IL1RAPL1: variants seen among roughly 807,000 people sequenced by gnomAD.
IL1RAPL1 encodes interleukin-1 receptor accessory protein-like 1.
A neutral mutation model predicts 48.4 loss-of-function variants in IL1RAPL1; 3 were observed. The ratio of observed to expected loss-of-function variants is 0.06; its 90% confidence interval spans 0.03 to 0.16. The LOEUF is 0.16. Ranked by LOEUF, IL1RAPL1 falls within the 10% of genes least tolerant of loss-of-function variation. The probability of loss-of-function intolerance (pLI) is 1.00; values close to 1 mark genes in which losing one functional copy is unlikely to be tolerated. For missense variants in IL1RAPL1, 349 were observed against 530.6 expected (o/e 0.66, Z 3.36); for synonymous variants, 185 against 187.7 (o/e 0.99, Z 0.12).
chrX:28,682,698 T>C (rs1363581106), intron 1 of IL1RAPL1, among the ~76,000 whole-genome samples: 1 of 112,126 alleles, frequency 8.9e-6, no homozygotes, highest in Non-Finnish European at 1.9e-5. Context: ...ATTTTCTTAC[T>C]ATTTACAAAA....
chrX:29,323,736 T>TATATATATAAA (rs1932823038), intron 3 of IL1RAPL1, among the ~76,000 whole-genome samples: 4 of 11,215 alleles, frequency 3.6e-4, no homozygotes, highest in African/African-American at 2.4e-3. Flanking sequence ...TATATATATA[T>TATATATATAAA]ATATATATAT....
In IL1RAPL1 at chrX:29,947,606, T is replaced by G. The variant is rs147008684; in HGVS notation, c.1201+5812T>G. ...TAAGCACATTGGCATCTATGAAATC[T>G]TAGGCCATAGAATTTCTTTTTCTTT... On this transcript the variant is annotated intron_variant, in intron 9 of 10. Coordinates refer to ENST00000378993, the MANE Select transcript of IL1RAPL1 (RefSeq NM_014271.4). Among the ~76,000 whole-genome samples, 224 of 111,654 alleles carry G rather than the reference T, an allele frequency of 2.0e-3. 2 individuals are homozygous for G. Among genetic ancestry groups the G allele is most frequent in the South Asian group, 3.3e-3 (9 of 2,715 alleles).
chrX:28,945,903 A>ATGTGTGTG (rs202162763), intron 2 of IL1RAPL1, among the ~76,000 whole-genome samples: 3 of 97,651 alleles, frequency 3.1e-5, no homozygotes, highest in Non-Finnish European at 6.2e-5. Context: ...ATATATATAT[A>ATGTGTGTG]TGTGTGTGTG....
At chrX:28,750,919 C>T (rs183875858) in intron 1 of IL1RAPL1, among the ~76,000 whole-genome samples, 1 of 111,926 alleles carries the variant, frequency 8.9e-6, no homozygotes, top group African/African-American at 3.2e-5. Context: ...ATTTGTCAGT[C>T]TGTAAGTGTG....
In IL1RAPL1 at chrX:29,865,636, CTT is replaced by C. The variant is rs1171882981; in HGVS notation, c.779-51809_779-51808del. On this transcript the variant is annotated intron_variant, in intron 6 of 10. Transcript: ENST00000378993. ...ATGTGCTGTTTTTTTCTTTTCTTTT[CTT>C]TTTTTTTTTTTTTTTTTTGACAGAG... Among the ~76,000 whole-genome samples, 418 of 76,317 alleles carry C rather than the reference CTT, an allele frequency of 5.5e-3. 1 individual carries two copies. Among genetic ancestry groups the C allele is most frequent in the African/African-American group, 0.021 (389 of 18,363 alleles). 66.3% of individuals were successfully genotyped at this position (76,317 alleles called of 115,157 possible).
intron 1 of IL1RAPL1, among the ~76,000 whole-genome samples, chrX:28,726,686 T>C (rs1211546553): frequency 8.9e-6 from 1 of 112,251 alleles, no homozygotes; most frequent in African/African-American, 3.2e-5. Context: ...TTAATTGACT[T>C]ATATCATCCT....
chrX:28,890,513 T>C (rs1406883106), intron 2 of IL1RAPL1, among the ~76,000 whole-genome samples: 1 of 111,971 alleles, frequency 8.9e-6, no homozygotes, highest in Non-Finnish European at 1.9e-5. Flanking sequence ...GTTTCTATTA[T>C]TATTTGCTTA....
At chrX:29,663,647 A>G (rs965969264) in intron 5 of IL1RAPL1, among the ~76,000 whole-genome samples, 3 of 112,027 alleles carry the variant, frequency 2.7e-5, no homozygotes, top group Non-Finnish European at 5.6e-5. Context: ...GCATATTTAA[A>G]AGTCTTTAGA....
intron 2 of IL1RAPL1, among the ~76,000 whole-genome samples, chrX:29,185,088 T>C (rs1172875918): frequency 8.9e-6 from 1 of 112,239 alleles, no homozygotes; most frequent in Non-Finnish European, 1.9e-5. Flanking sequence ...TCTTTATCAC[T>C]TTCAGTAACA....
intron 2 of IL1RAPL1, among the ~76,000 whole-genome samples, chrX:28,817,872 T>C (rs1310273930): frequency 1.8e-5 from 2 of 110,899 alleles, no homozygotes; most frequent in South Asian, 3.8e-4. Context: ...TGGCAAGCTC[T>C]TTTCTGTTTT....
chrX:29,147,255 A>C (rs910007282), intron 2 of IL1RAPL1, among the ~76,000 whole-genome samples: 11 of 112,258 alleles, frequency 9.8e-5, no homozygotes, highest in Admixed American at 7.6e-4. Flanking sequence ...GCTGTTACAG[A>C]TTATAGCCAC....
At chrX:29,482,932 G>C (rs1935056677) in intron 5 of IL1RAPL1, among the ~76,000 whole-genome samples, 1 of 111,967 alleles carries the variant, frequency 8.9e-6, no homozygotes, top group African/African-American at 3.2e-5. Context: ...AACAATATTA[G>C]GGTATTTGTG....
At chrX:29,685,286 T>A (rs1926583538) in intron 6 of IL1RAPL1, among the ~76,000 whole-genome samples, 1 of 109,780 alleles carries the variant, frequency 9.1e-6, no homozygotes, top group African/African-American at 3.3e-5. Flanking sequence ...GCAGATCACC[T>A]GAGGTCAGGA....
Position 29,917,553 on chromosome X carries a change from A to T in IL1RAPL1, c.868A>T (p.Ile290Phe), listed in dbSNP as rs201842225. 1 of 1,206,938 alleles carries T rather than the reference A, an allele frequency of 8.3e-7. No homozygotes were observed. Residue 290 changes from isoleucine (I) to phenylalanine (F), a missense_variant, in exon 7 of 11, where the codon ATT (isoleucine) becomes TTT (phenylalanine). Physicochemically the swap from Ile to Phe is conservative, Grantham distance 21. Transcript: ENST00000378993. ...TTACTGGATGAAAGGAGAAAAATTT[A>T]TTGAAGATCTGGATGAAAATCGAGT... is the stretch of plus-strand genomic sequence containing the variant. ...LIYWMKGEKF[I>F]EDLDENRVWE...
chrX:29,737,308 C>T (rs758219614), intron 6 of IL1RAPL1, among the ~76,000 whole-genome samples: 25 of 111,281 alleles, frequency 2.2e-4, no homozygotes, highest in Middle Eastern at 9.3e-3. Context: ...GACCATTGCT[C>T]TAGAGGATAG....
intron 1 of IL1RAPL1, among the ~76,000 whole-genome samples, chrX:28,594,639 T>C (rs1933936263): frequency 9.0e-6 from 1 of 111,437 alleles, no homozygotes; most frequent in Non-Finnish European, 1.9e-5. Context: ...CTCAGCTGGG[T>C]GTTCTAGTTA....
chrX:29,000,053 T>C (rs997124175), intron 2 of IL1RAPL1, among the ~76,000 whole-genome samples: 1 of 111,519 alleles, frequency 9.0e-6, no homozygotes, highest in South Asian at 3.8e-4. Flanking sequence ...TGCTGCTTGC[T>C]ACAAGATAGC....
intron 2 of IL1RAPL1, among the ~76,000 whole-genome samples, chrX:29,091,223 C>T (rs1928083178): frequency 8.9e-6 from 1 of 112,336 alleles, no homozygotes; most frequent in African/African-American, 3.2e-5. Context: ...CCTGCATCTT[C>T]AACAATCCTC....
At position 29,064,570 on chromosome X, in the gene IL1RAPL1, G is replaced by GTTTTTC. The variant is rs1438087198; in HGVS notation, c.83-218363_83-218362insCTTTTT. Among the ~76,000 whole-genome samples the GTTTTTC allele has an allele frequency of 3.6e-5, 4 of 110,145 alleles. No homozygotes were observed. In the Admixed American group the frequency reaches 3.9e-4, roughly 11 times the overall value. On this transcript the variant is annotated intron_variant, in intron 2 of 10. Transcript: ENST00000378993. ...GTTGTTGTTTTTTGTTTTTGTTTTT[G>GTTTTTC]TTTTTGTTTTTGTTTTGTTTTGTTT...
Sources: allele counts gnomAD v4.1 joint callset (sites outside exome capture counted in the v4.1 genomes callset), GRCh38; gene constraint gnomAD v4.1.1; transcripts MANE v1.5; gene names NCBI Gene and HGNC (gene_info 2026-07-23, HGNC 2026-07-21).